ACSM2A: variants seen among roughly 807,000 people sequenced by gnomAD.
ACSM2A encodes acyl-CoA synthetase medium chain family member 2A, also known as acyl-coenzyme A synthetase ACSM2A, mitochondrial.
A neutral mutation model predicts 76.6 loss-of-function variants in ACSM2A; 72 were observed. The ratio of observed to expected loss-of-function variants is 0.94; its 90% CI spans 0.78 to 1.14. ACSM2A has a LOEUF of 1.14. ACSM2A is among the 50% of genes most tolerant of loss of function. ACSM2A has a pLI of 0.00. For synonymous variants in ACSM2A, 249 were observed against 255.9 expected (o/e 0.97, Z 0.26); for missense variants, 684 against 708.5 (o/e 0.97, Z 0.39).
At chr16:20,472,403 T>C (rs1002602139) in intron 6 of ACSM2A, among the ~76,000 whole-genome samples, 8 of 152,310 alleles carry the variant, frequency 5.3e-5, no homozygotes, top group Middle Eastern at 3.4e-3. Flanking sequence ...TATATCTTCC[T>C]TTTTACAAAT....
intron 1 of ACSM2A, among the ~76,000 whole-genome samples, chr16:20,454,451 T>TG (rs2011997768): frequency 6.6e-6 from 1 of 151,886 alleles, no homozygotes; most frequent in South Asian, 2.1e-4. Context: ...CCCTAACCCA[T>TG]GCTGCCATCA....
intron 1 of ACSM2A, among the ~76,000 whole-genome samples, chr16:20,458,574 CATATA>C (rs1181273176): frequency 2.1e-5 from 3 of 141,622 alleles, no homozygotes; most frequent in Non-Finnish European, 3.1e-5. Context: ...ATAATATATC[CATATA>C]ATATAGTATA....
Position 20,483,093 on chromosome 16 carries a change from C to G in ACSM2A, c.1545C>G (p.Phe515Leu). 6.2e-7 allele frequency: 1 copy of G among 1,614,076 alleles called. No individual in the cohort carries two copies. The highest frequency in any genetic ancestry group is 2.2e-5 in the East Asian group (1 of 44,878). ...VKAFVVLASQ[F>L]LSHDPEQLTK... ...CATTTGTGGTCCTGGCCTCGCAGTT[C>G]CTGTCCCATGACCCAGAACAGCTCA... Residue 515 changes from phenylalanine to leucine, a missense_variant, in exon 13 of 14, where the codon TTC becomes TTG. By Grantham distance (22) the Phe-to-Leu change is conservative (BLOSUM62 0). This residue lies in a region of ACSM2A where 159 missense variants were observed against 132.5 expected (regional missense o/e 1.20). Coordinates refer to ENST00000573854, the MANE Select transcript of ACSM2A (RefSeq NM_001308172.2).
Position 20,483,048 on chromosome 16 carries a change from T to C in ACSM2A, c.1510-10T>C. On this transcript the variant is annotated splice_polypyrimidine_tract_variant and intron_variant, in intron 12 of 13. Coordinates refer to ENST00000573854, the MANE Select transcript of ACSM2A (RefSeq NM_001308172.2). ...TAATCCCTTCTCTCTGGCCTTCATCTTTTTTGCAGGTGGTGAAGGCATTTG... is the reference window on the plus strand; with the variant it reads ...TAATCCCTTCTCTCTGGCCTTCATCCTTTTTGCAGGTGGTGAAGGCATTTG... The C allele has an allele frequency of 6.2e-7, 1 of 1,612,462 alleles. No homozygotes were observed. The highest frequency in any genetic ancestry group is 8.5e-7 in the Non-Finnish European group (1 of 1,178,908).
At chr16:20,462,804 G>A (rs1445451845) in intron 2 of ACSM2A, among the ~76,000 whole-genome samples, 6 of 151,944 alleles carry the variant, frequency 3.9e-5, no homozygotes, top group Non-Finnish European at 7.4e-5. Flanking sequence ...TTCCCATTCA[G>A]CAATTCCAAC....
chr16:20,475,232 C>A, intron 6 of ACSM2A, 130 bp from the exon 7 acceptor site: 3 of 1,554,736 alleles, frequency 1.9e-6, no homozygotes, highest in Non-Finnish European at 2.6e-6. Flanking sequence ...CTGAATCAGA[C>A]ATAGTAAACA....
Position 20,483,072 on chromosome 16 carries a change from T to G in ACSM2A, c.1524T>G (p.Phe508Leu), listed in dbSNP as rs2014181494. 6.2e-7 allele frequency: 1 copy of G among 1,613,830 alleles called. No individual in the cohort carries two copies. ...DPVRGEVVKA[F>L]VVLASQFLSH... ...CTTTTTTGCAGGTGGTGAAGGCATT[T>G]GTGGTCCTGGCCTCGCAGTTCCTGT... Residue 508 changes from phenylalanine (F) to leucine (L), a missense_variant, in exon 13 of 14, where the codon TTT (phenylalanine) becomes TTG (leucine). By Grantham distance (22) the Phe-to-Leu change is conservative (BLOSUM62 0). This residue lies in a region of ACSM2A where 159 missense variants were observed against 132.5 expected (regional missense o/e 1.20). Coordinates refer to ENST00000573854, the MANE Select transcript of ACSM2A (RefSeq NM_001308172.2).
At chr16:20,486,256 C>T (rs1030852143) in intron 13 of ACSM2A, among the ~76,000 whole-genome samples, 1 of 152,238 alleles carries the variant, frequency 6.6e-6, no homozygotes, top group African/African-American at 2.4e-5. Context: ...CTGGCTAAAG[C>T]CAGATGATTG....
chr16:20,452,396 G>A (rs1345929740), intron 1 of ACSM2A: 4 of 137,248 alleles, frequency 2.9e-5, no homozygotes, highest in South Asian at 5.1e-4. Flanking sequence ...AGGTTCTTCA[G>A]TTTTGGAACT....
In ACSM2A at chr16:20,478,585, G is replaced by T. The variant is rs750637232; in HGVS notation, c.1189G>T (p.Asp397Tyr). Residue 397 changes from aspartate (D) to tyrosine (Y), a missense_variant, in exon 10 of 14, where the codon GAT (aspartate) becomes TAT (tyrosine). Asp to Tyr is a radical substitution (Grantham distance 160, BLOSUM62 -3). Transcript: ENST00000573854. ...CTGCTTCTTTCTCCAGATCATAGATGATAAGGGCAACGTCCTGCCCCCCGG... is the reference window on the plus strand; with the variant it reads ...CTGCTTCTTTCTCCAGATCATAGATTATAAGGGCAACGTCCTGCCCCCCGG... ...ASCYDVQIID[D>Y]KGNVLPPGTE... The T allele has an allele frequency of 6.2e-6, 10 of 1,613,514 alleles. No individual in the cohort carries two copies. In the Admixed American group the frequency reaches 1.7e-4, roughly 27 times the overall value.
At position 20,458,409 on chromosome 16, in the gene ACSM2A, C is replaced by CTA. The variant is rs1372243220; in HGVS notation, c.-8-1691_-8-1690dup. 9.6e-4 allele frequency among the ~76,000 whole-genome samples: 137 copies of CTA among 143,310 alleles called. 1 individual carries two copies. The highest frequency in any genetic ancestry group is 1.8e-3 in the Non-Finnish European group (117 of 66,532). The allele number at this position is 143,310 out of a possible 152,430, so 94.0% of individuals were successfully genotyped here. The stretch of plus-strand genomic sequence containing the variant: ...TATGGATAACATATCTCCATATATA[C>CTA]TATATATAGTATATGCAGTTATGTA... On this transcript the variant is annotated intron_variant, in intron 1 of 13. Transcript: ENST00000573854.
chr16:20,466,373 T>C (rs1465267716), intron 3 of ACSM2A, among the ~76,000 whole-genome samples: 1 of 152,098 alleles, frequency 6.6e-6, no homozygotes, highest in Non-Finnish European at 1.5e-5. Flanking sequence ...TAGAGAGGCT[T>C]GTGCCAAGCA....
At chr16:20,459,346 G>A (rs1203586061) in intron 1 of ACSM2A, among the ~76,000 whole-genome samples, 2 of 152,194 alleles carry the variant, frequency 1.3e-5, no homozygotes, top group Non-Finnish European at 2.9e-5. Context: ...TAGATGGATA[G>A]GACCTGGGAT....
chr16:20,481,038 GC>G, intron 12 of ACSM2A, 117 bp downstream of exon 12: 1 of 1,257,266 alleles, frequency 8.0e-7, no homozygotes, highest in Non-Finnish European at 1.1e-6. Context: ...TCTTGGCCCT[GC>G]CACTTACTAG....
Position 20,475,070 on chromosome 16 carries a change from C to T in ACSM2A, c.895-292C>T, listed in dbSNP as rs573981628. Among the ~76,000 whole-genome samples the T allele has an allele frequency of 1.7e-3, 262 of 152,168 alleles. 1 individual carries two copies. Among genetic ancestry groups the T allele is most frequent in the South Asian group, 3.5e-3 (17 of 4,816 alleles). On this transcript the variant is annotated intron_variant, in intron 6 of 13. Coordinates refer to ENST00000573854, the MANE Select transcript of ACSM2A (RefSeq NM_001308172.2). The stretch of plus-strand genomic sequence containing the variant: ...TGATCTACTCCTAGGGGTGTGTTAA[C>T]GAGGGCAAGTCTTAAACTGGCAGGA...
intron 1 of ACSM2A, among the ~76,000 whole-genome samples, chr16:20,456,082 T>C (rs1319712255): frequency 6.8e-6 from 1 of 146,618 alleles, no homozygotes; most frequent in East Asian, 2.0e-4. Flanking sequence ...TAAAAGGTCT[T>C]GTCCAACAGG....
chr16:20,471,676 T>A lies in ACSM2A; in HGVS notation c.881T>A (p.Leu294Gln). Residue 294 changes from leucine to glutamine, a missense_variant, in exon 6 of 14, where the codon CTG (leucine) becomes CAG (glutamine). Coordinates refer to ENST00000573854, the MANE Select transcript of ACSM2A (RefSeq NM_001308172.2). ...CATCTCTTGCCAAAGTTTGACCCAC[T>A]GGTTATTCTAAAGGTAAGAGAGGAT... The part of the protein sequence containing the change: ...FVHLLPKFDP[L>Q]VILKTLSSYP... 6.2e-7 allele frequency: 1 copy of A among 1,613,506 alleles called. No homozygotes were observed. Among genetic ancestry groups the A allele is most frequent in the Non-Finnish European group, 8.5e-7 (1 of 1,179,590 alleles).
chr16:20,453,111 A>G (rs1386518912), intron 1 of ACSM2A: 1 of 151,988 alleles, frequency 6.6e-6, no homozygotes, highest in Non-Finnish European at 1.5e-5. Flanking sequence ...AAGAACTGAA[A>G]TTGTGGAAAA....
intron 3 of ACSM2A, among the ~76,000 whole-genome samples, chr16:20,466,158 C>T (rs1382238878): frequency 6.6e-6 from 1 of 151,284 alleles, no homozygotes; most frequent in Non-Finnish European, 1.5e-5. Flanking sequence ...TGCAGTTGCA[C>T]TACAGTGGCA....
Sources: allele counts gnomAD v4.1 joint callset (sites outside exome capture counted in the v4.1 genomes callset), GRCh38; gene constraint gnomAD v4.1.1; regional missense constraint gnomAD v4.1.1; transcripts MANE v1.5; gene names NCBI Gene and HGNC (gene_info 2026-07-23, HGNC 2026-07-21).